The following CNTNAP5 variants were observed in gnomAD, a reference collection of about 807,000 sequenced individuals.
CNTNAP5 encodes contactin-associated protein-like 5.
Under a neutral mutation model 150.2 loss-of-function variants are expected in CNTNAP5, and 72 were observed. That is an observed-to-expected ratio of 0.48 (90% CI 0.40 to 0.58). CNTNAP5 has a LOEUF of 0.58. Ranked by LOEUF, CNTNAP5 falls within the 20% of genes least tolerant of loss-of-function variation. CNTNAP5 has a pLI of 0.00. For missense variants in CNTNAP5, 1,636 were observed against 1,626.2 expected, an observed-to-expected ratio of 1.01 and a Z score of -0.10; for synonymous variants, 672 against 619.8, an observed-to-expected ratio of 1.08 and a Z score of -1.25.
chr2:124,187,498 G>C (rs1449157305), intron 1 of CNTNAP5, among the ~76,000 whole-genome samples: 2 of 152,152 alleles, frequency 1.3e-5, no homozygotes, highest in Non-Finnish European at 2.9e-5. Flanking sequence ...TGTTGCAATG[G>C]GGACAAGAGA....
At chr2:124,039,100 T>C (rs903000590) in intron 1 of CNTNAP5, among the ~76,000 whole-genome samples, 3 of 152,226 alleles carry the variant, frequency 2.0e-5, no homozygotes, top group Non-Finnish European at 4.4e-5. Flanking sequence ...ACAATCTTAT[T>C]GGAATTTACT....
intron 13 of CNTNAP5, among the ~76,000 whole-genome samples, chr2:124,697,943 A>G (rs1467811677): frequency 6.6e-6 from 1 of 152,150 alleles, no homozygotes; most frequent in Non-Finnish European, 1.5e-5. Flanking sequence ...TGTAATGTGC[A>G]CCAAGACCCA....
At chr2:124,060,151 A>C (rs962489232) in intron 1 of CNTNAP5, among the ~76,000 whole-genome samples, 4 of 152,112 alleles carry the variant, frequency 2.6e-5, no homozygotes, top group Non-Finnish European at 5.9e-5. Context: ...AAGACTTGCT[A>C]CTTTGGAATC....
At chr2:124,554,548 G>A (rs1695708559) in intron 10 of CNTNAP5, among the ~76,000 whole-genome samples, 1 of 151,140 alleles carries the variant, frequency 6.6e-6, no homozygotes. Flanking sequence ...AGCTTCTCAA[G>A]TAGCTAGGAC....
intron 3 of CNTNAP5, among the ~76,000 whole-genome samples, chr2:124,244,787 A>G (rs1213459948): frequency 6.6e-6 from 1 of 152,186 alleles, no homozygotes; most frequent in Non-Finnish European, 1.5e-5. Flanking sequence ...AACAGTTACT[A>G]AACACCTATT....
intron 19 of CNTNAP5, among the ~76,000 whole-genome samples, chr2:124,856,214 C>A (rs928505159): frequency 6.6e-6 from 1 of 151,990 alleles, no homozygotes; most frequent in African/African-American, 2.4e-5. Flanking sequence ...TGCACACATA[C>A]CACAATTTCT....
intron 20 of CNTNAP5, among the ~76,000 whole-genome samples, chr2:124,866,181 A>T (rs62173283): frequency 0.068 from 10,321 of 151,966 alleles, 1,079 homozygotes; most frequent in African/African-American, 0.23. Flanking sequence ...GAGCACTTGA[A>T]ACTGGGAGGC....
chr2:124,866,974 C>G (rs1247620206), intron 20 of CNTNAP5, among the ~76,000 whole-genome samples: 1 of 152,160 alleles, frequency 6.6e-6, no homozygotes, highest in African/African-American at 2.4e-5. Flanking sequence ...TTCTCAAGAG[C>G]ACATTACCTA....
intron 3 of CNTNAP5, among the ~76,000 whole-genome samples, chr2:124,362,481 A>T (rs1048089351): frequency 1.3e-5 from 2 of 152,182 alleles, no homozygotes; most frequent in East Asian, 3.8e-4. Flanking sequence ...ACTTATTTTT[A>T]TATTACTATC....
At chr2:124,231,194 C>T (rs971018385) in intron 2 of CNTNAP5, among the ~76,000 whole-genome samples, 8 of 152,174 alleles carry the variant, frequency 5.3e-5, no homozygotes, top group African/African-American at 1.9e-4. Flanking sequence ...TTTGTTATTT[C>T]AGTTCTCACC....
chr2:124,063,928 C>G (rs968328058), intron 1 of CNTNAP5, among the ~76,000 whole-genome samples: 6 of 152,122 alleles, frequency 3.9e-5, no homozygotes, highest in Admixed American at 2.0e-4. Flanking sequence ...GCAAAATCTG[C>G]TATACTTTCT....
intron 13 of CNTNAP5, among the ~76,000 whole-genome samples, chr2:124,663,475 C>T (rs1678634701): frequency 1.3e-5 from 2 of 151,946 alleles, no homozygotes; most frequent in African/African-American, 4.8e-5. Flanking sequence ...ACAAAGTTGC[C>T]GACACTGTAA....
At chr2:124,486,486 G>A (rs1194327020) in intron 7 of CNTNAP5, among the ~76,000 whole-genome samples, 1 of 152,094 alleles carries the variant, frequency 6.6e-6, no homozygotes, top group Non-Finnish European at 1.5e-5. Context: ...AAAATGCAGG[G>A]CAAAGAAGAG....
intron 3 of CNTNAP5, among the ~76,000 whole-genome samples, chr2:124,365,627 A>G (rs1456770883): frequency 1.3e-5 from 2 of 152,194 alleles, no homozygotes; most frequent in East Asian, 3.9e-4. Context: ...GTAATTCCTT[A>G]GACCTGAATT....
rs543935113 is a variant in CNTNAP5 at position 124,837,086 on chromosome 2, T to C, written c.3218-28220T>C. On this transcript the variant is annotated intron_variant, in intron 19 of 23. Coordinates refer to ENST00000682447, the MANE Select transcript of CNTNAP5 (RefSeq NM_001367498.1). ...CTGATTTTACCAGAGTGGAACTGAG[T>C]ATGTGAGGGACAGGAATGTATAAAG... 7.3e-5 allele frequency among the ~76,000 whole-genome samples: 11 copies of C among 150,236 alleles called. No individual in the cohort carries two copies. The South Asian group carries it at 1.9e-3, about 26-fold the overall frequency.
chr2:124,236,999 G>T (rs183987213), intron 2 of CNTNAP5, among the ~76,000 whole-genome samples: 98 of 152,144 alleles, frequency 6.4e-4, no homozygotes, highest in South Asian at 3.9e-3. Flanking sequence ...TGTAGTGGCG[G>T]GCATCTGTAA....
intron 20 of CNTNAP5, among the ~76,000 whole-genome samples, chr2:124,866,557 A>C (rs940796843): frequency 1.3e-5 from 2 of 152,090 alleles, no homozygotes; most frequent in African/African-American, 4.8e-5. Context: ...CTTGAAGATG[A>C]GTAGGAGTTG....
At chr2:124,901,145 A>G (rs918881125) in intron 21 of CNTNAP5, among the ~76,000 whole-genome samples, 1 of 151,624 alleles carries the variant, frequency 6.6e-6, no homozygotes, top group African/African-American at 2.4e-5. Context: ...GACACTTCAC[A>G]TTATTATTGG....
At chr2:124,550,044 C>A (rs1695594491) in intron 10 of CNTNAP5, among the ~76,000 whole-genome samples, 1 of 152,178 alleles carries the variant, frequency 6.6e-6, no homozygotes, top group Non-Finnish European at 1.5e-5. Context: ...TCACAGGAAT[C>A]CCAGGGGAGG....
Sources: allele counts gnomAD v4.1 joint callset (sites outside exome capture counted in the v4.1 genomes callset), GRCh38; gene constraint gnomAD v4.1.1; transcripts MANE v1.5; gene names NCBI Gene and HGNC (gene_info 2026-07-23, HGNC 2026-07-21).